Variants in ARHGAP15 observed in about 807,000 individuals in gnomAD.
ARHGAP15 encodes the protein Rho GTPase activating protein 15, also known as rho GTPase-activating protein 15.
A neutral mutation model predicts 63.7 loss-of-function variants in ARHGAP15; 51 were observed. The ratio of observed to expected loss-of-function variants is 0.80; its 90% CI spans 0.64 to 1.01. The LOEUF is 1.01. Ranked by LOEUF, ARHGAP15 falls within the 50% of genes least tolerant of loss-of-function variation. ARHGAP15 has a pLI of 0.00. For synonymous variants in ARHGAP15, 191 were observed against 193.8 expected, an observed-to-expected ratio of 0.99 and a Z score of 0.12; for missense variants, 560 against 564.6, an observed-to-expected ratio of 0.99 and a Z score of 0.08.
intron 10 of ARHGAP15, among the ~76,000 whole-genome samples, chr2:143,534,742 C>T (rs181370411): frequency 9.2e-5 from 14 of 151,798 alleles, no homozygotes; most frequent in Admixed American, 3.9e-4. Context: ...AATAGCCAGG[C>T]GTGGTGGTGT....
At position 143,605,543 on chromosome 2, in the gene ARHGAP15, A is replaced by T. The variant is rs142819959; in HGVS notation, c.1004-18590A>T. Among the ~76,000 whole-genome samples, 1,388 of 152,198 alleles carry T rather than the reference A, an allele frequency of 9.1e-3. 22 individuals are homozygous for T. The highest frequency in any genetic ancestry group is 0.032 in the African/African-American group (1,313 of 41,532). On this transcript the variant is annotated intron_variant, in intron 11 of 13. Transcript: ENST00000295095. ...GGGTCAAAAACAAGACAGATACCCC[A>T]GGGGAAAAAACCATGTCCCTAGCTA... is the stretch of plus-strand genomic sequence containing the variant.
chr2:143,409,754 A>G (rs1286976298), intron 6 of ARHGAP15, among the ~76,000 whole-genome samples: 3 of 152,186 alleles, frequency 2.0e-5, no homozygotes, highest in Non-Finnish European at 4.4e-5. Context: ...TGTTCAGTAC[A>G]GTAATATGCT....
intron 6 of ARHGAP15, among the ~76,000 whole-genome samples, chr2:143,325,026 C>A (rs1427369687): frequency 1.3e-5 from 2 of 152,122 alleles, no homozygotes; most frequent in African/African-American, 4.8e-5. Context: ...ACTTACTAGT[C>A]AATCTCAAGG....
rs139522748 is a variant in ARHGAP15, at chr2:143,712,622, A to G, written c.1244+9098A>G. On this transcript the variant is annotated intron_variant, in intron 13 of 13. Transcript: ENST00000295095. Reference sequence around the variant, plus strand: ...GATGGTCAGAGAAAGAGATAACAGAAAAGGAGTCTGAGAATGGCACGCATA... The same window carrying G: ...GATGGTCAGAGAAAGAGATAACAGAGAAGGAGTCTGAGAATGGCACGCATA... Among the ~76,000 whole-genome samples the G allele has an allele frequency of 5.1e-3, 773 of 152,284 alleles. 2 individuals carry two copies. Among genetic ancestry groups the G allele is most frequent in the Non-Finnish European group, 7.6e-3 (515 of 68,018 alleles).
chr2:143,258,740 G>T (rs1680551030), intron 6 of ARHGAP15, among the ~76,000 whole-genome samples: 1 of 152,128 alleles, frequency 6.6e-6, no homozygotes, highest in Non-Finnish European at 1.5e-5. Flanking sequence ...TGATGGGTAT[G>T]AGATGGCTTA....
intron 6 of ARHGAP15, among the ~76,000 whole-genome samples, chr2:143,297,478 GT>G (rs1290933297): frequency 2.6e-5 from 4 of 151,938 alleles, no homozygotes; most frequent in African/African-American, 9.7e-5. Context: ...TTTGCCTGTT[GT>G]CTGGTCATGG....
intron 10 of ARHGAP15, among the ~76,000 whole-genome samples, chr2:143,528,523 G>T (rs942161106): frequency 2.0e-4 from 31 of 151,922 alleles, no homozygotes; most frequent in Non-Finnish European, 2.9e-5. Flanking sequence ...AATGAAGACA[G>T]AATACATGAT....
intron 12 of ARHGAP15, among the ~76,000 whole-genome samples, chr2:143,675,541 T>G (rs1179381589): frequency 6.6e-6 from 1 of 152,192 alleles, no homozygotes; most frequent in Non-Finnish European, 1.5e-5. Context: ...AATTACTCCT[T>G]GATCCATGGG....
intron 13 of ARHGAP15, among the ~76,000 whole-genome samples, chr2:143,722,533 G>A (rs1342146452): frequency 6.6e-6 from 1 of 152,176 alleles, no homozygotes; most frequent in African/African-American, 2.4e-5. Context: ...GGAAAGTGGA[G>A]AAGATAAAAG....
At chr2:143,379,647 A>G (rs1000552540) in intron 6 of ARHGAP15, among the ~76,000 whole-genome samples, 5 of 151,966 alleles carry the variant, frequency 3.3e-5, no homozygotes, top group African/African-American at 1.2e-4. Context: ...TGTCTTCTAC[A>G]AAGATGTATT....
At chr2:143,155,304 C>T (rs1690033368) in intron 1 of ARHGAP15, among the ~76,000 whole-genome samples, 173 bp from the exon 2 acceptor site, 1 of 151,770 alleles carries the variant, frequency 6.6e-6, no homozygotes, top group Non-Finnish European at 1.5e-5. Flanking sequence ...TGTAAAGGTC[C>T]CAACTGACAA....
chr2:143,729,159 T>C (rs917842162), intron 13 of ARHGAP15, among the ~76,000 whole-genome samples: 3 of 152,208 alleles, frequency 2.0e-5, no homozygotes, highest in Non-Finnish European at 4.4e-5. Context: ...TTGTTAGTAT[T>C]GTTCTGATAA....
chr2:143,569,753 A>G (rs1245384549), intron 11 of ARHGAP15, among the ~76,000 whole-genome samples: 7 of 152,220 alleles, frequency 4.6e-5, no homozygotes, highest in Admixed American at 2.6e-4. Flanking sequence ...TAAGAGAAGA[A>G]TGAATTGTAG....
chr2:143,345,428 GCAA>G (rs1685227316), intron 6 of ARHGAP15, among the ~76,000 whole-genome samples: 1 of 152,014 alleles, frequency 6.6e-6, no homozygotes, highest in Non-Finnish European at 1.5e-5. Flanking sequence ...ATTTTTATGT[GCAA>G]CTTCTTGCAA....
At chr2:143,460,616 A>G (rs1351812807) in intron 8 of ARHGAP15, among the ~76,000 whole-genome samples, 1 of 152,166 alleles carries the variant, frequency 6.6e-6, no homozygotes, top group Non-Finnish European at 1.5e-5. Context: ...TAATTGCATT[A>G]GGGTTATCAT....
chr2:143,628,672 T>C (rs1698939764), intron 12 of ARHGAP15, among the ~76,000 whole-genome samples: 1 of 152,118 alleles, frequency 6.6e-6, no homozygotes, highest in African/African-American at 2.4e-5. Context: ...CTGGAGAAGG[T>C]AGTGGCTTCC....
intron 11 of ARHGAP15, among the ~76,000 whole-genome samples, chr2:143,609,381 AAGT>A (rs951606143): frequency 6.6e-6 from 1 of 152,082 alleles, no homozygotes; most frequent in African/African-American, 2.4e-5. Flanking sequence ...TAGGCACTCT[AAGT>A]AGGAATTTCC....
chr2:143,747,305 T>C (rs917142622), intron 13 of ARHGAP15, among the ~76,000 whole-genome samples: 3 of 152,104 alleles, frequency 2.0e-5, no homozygotes, highest in Non-Finnish European at 4.4e-5. Flanking sequence ...ACCCACCACA[T>C]ACACACAATT....
At chr2:143,565,527 TTA>T (rs1311169491) in intron 11 of ARHGAP15, among the ~76,000 whole-genome samples, 1 of 152,222 alleles carries the variant, frequency 6.6e-6, no homozygotes, top group Non-Finnish European at 1.5e-5. Flanking sequence ...CATTGGTACA[TTA>T]TGTTAGGTTC....
Sources: allele counts gnomAD v4.1 joint callset (sites outside exome capture counted in the v4.1 genomes callset), GRCh38; gene constraint gnomAD v4.1.1; transcripts MANE v1.5; gene names NCBI Gene and HGNC (gene_info 2026-07-23, HGNC 2026-07-21).